RAB8B: variants seen among roughly 807,000 people sequenced by gnomAD.
RAB8B encodes the protein ras-related protein Rab-8B.
Under a neutral mutation model 32.0 loss-of-function variants are expected in RAB8B, and 11 were observed. The ratio of observed to expected loss-of-function variants is 0.34; its 90% CI spans 0.22 to 0.57. RAB8B has a LOEUF of 0.57. Ranked by LOEUF, RAB8B falls within the 20% of genes least tolerant of loss-of-function variation. The pLI is 0.86. For missense variants in RAB8B, 190 were observed against 258.5 expected, an observed-to-expected ratio of 0.73 and a Z score of 1.82; for synonymous variants, 103 against 89.6, an observed-to-expected ratio of 1.15 and a Z score of -0.85.
At position 63,267,482 on chromosome 15, in the gene RAB8B, A is replaced by G. The variant is rs1350239727; in HGVS notation, c.*3863A>G. ...GCTGACACTGCAGTTCCTTTCATGC[A>G]AAATACCATAAACTGTTTGATGAAA... On this transcript the variant is annotated 3_prime_UTR_variant, in exon 8 of 8. Transcript: ENST00000321437. The G allele has an allele frequency of 6.6e-6, 1 of 152,268 alleles. No individual in the cohort carries two copies. The highest frequency in any genetic ancestry group is 1.9e-4 in the East Asian group (1 of 5,198). The allele number at this position is 152,268 out of a possible 1,614,324, so 9.4% of individuals were successfully genotyped here.
In RAB8B at chr15:63,226,768, G is replaced by T. The variant is rs2141125223; in HGVS notation, c.125-17988G>T. ...GATCTCATGTAAGAAAGAATTCAGGGCGGGTCTGCAGTGCAAAGTGAAAGC... is the reference window on the plus strand; with the variant it reads ...GATCTCATGTAAGAAAGAATTCAGGTCGGGTCTGCAGTGCAAAGTGAAAGC... On this transcript the variant is annotated intron_variant, in intron 1 of 7. Coordinates refer to ENST00000321437, the MANE Select transcript of RAB8B (RefSeq NM_016530.3). Among the ~76,000 whole-genome samples, 2 of 152,298 alleles carry T rather than the reference G, an allele frequency of 1.3e-5. 1 individual carries two copies. Among genetic ancestry groups the T allele is most frequent in the South Asian group, 4.1e-4 (2 of 4,830 alleles).
chr15:63,263,006 C>T (rs748421727), intron 7 of RAB8B, among the ~76,000 whole-genome samples: 2 of 152,020 alleles, frequency 1.3e-5, no homozygotes, highest in Non-Finnish European at 2.9e-5. Flanking sequence ...GGCACAAATT[C>T]GATTTTTGCC....
intron 1 of RAB8B, among the ~76,000 whole-genome samples, chr15:63,207,863 C>T (rs2037712218): frequency 1.3e-5 from 2 of 152,128 alleles, no homozygotes; most frequent in Admixed American, 1.3e-4. Flanking sequence ...CGCGCCTGGC[C>T]CCTTTTCCTC....
At chr15:63,249,758 G>A in intron 3 of RAB8B, 53 bp downstream of exon 3, 1 of 1,535,362 alleles carries the variant, frequency 6.5e-7, no homozygotes, top group East Asian at 2.3e-5. Context: ...AAGCATGAAT[G>A]TTTGTTTGCC....
At chr15:63,197,956 T>C (rs1410170724) in intron 1 of RAB8B, among the ~76,000 whole-genome samples, 1 of 152,188 alleles carries the variant, frequency 6.6e-6, no homozygotes, top group Non-Finnish European at 1.5e-5. Flanking sequence ...CAACATGTTA[T>C]GGCTAAATTT....
At chr15:63,225,106 C>A (rs1322068551) in intron 1 of RAB8B, among the ~76,000 whole-genome samples, 2 of 152,218 alleles carry the variant, frequency 1.3e-5, no homozygotes, top group South Asian at 4.1e-4. Flanking sequence ...AACGTAATAT[C>A]ATCATGCTTA....
intron 1 of RAB8B, among the ~76,000 whole-genome samples, chr15:63,205,941 GGCCTGTCATA>G (rs536139588): frequency 1.5e-3 from 235 of 152,286 alleles, no homozygotes; most frequent in African/African-American, 5.2e-3. Context: ...GAGCTTTCAG[GGCCTGTCATA>G]TCCAATTGGA....
intron 1 of RAB8B, among the ~76,000 whole-genome samples, chr15:63,192,476 G>C (rs1448295470): frequency 1.3e-5 from 2 of 152,174 alleles, no homozygotes; most frequent in Non-Finnish European, 2.9e-5. Flanking sequence ...GTGCTTTTCT[G>C]ACTGGGTTTT....
At chr15:63,258,412 A>G (rs991490676) in intron 5 of RAB8B, among the ~76,000 whole-genome samples, 2 of 152,164 alleles carry the variant, frequency 1.3e-5, no homozygotes, top group Non-Finnish European at 2.9e-5. Context: ...CTAAAAGTCA[A>G]TACAGTAACT....
intron 1 of RAB8B, among the ~76,000 whole-genome samples, chr15:63,238,011 T>C (rs2037997396): frequency 6.6e-6 from 1 of 152,130 alleles, no homozygotes; most frequent in African/African-American, 2.4e-5. Flanking sequence ...CCAATGTATG[T>C]ACTTGGCACC....
rs533682183 is a variant in RAB8B at position 63,226,818 on chromosome 15, T to C, written c.125-17938T>C. ...CAAGTTTATTAAGAAAGTAAATGAG[T>C]AAAAGAATGGCTACTCCATAGACAG... On this transcript the variant is annotated intron_variant, in intron 1 of 7. Transcript: ENST00000321437. 3.7e-4 allele frequency among the ~76,000 whole-genome samples: 56 copies of C among 152,242 alleles called. No homozygotes were observed. In the South Asian group the frequency reaches 0.011, roughly 31 times the overall value.
intron 1 of RAB8B, among the ~76,000 whole-genome samples, chr15:63,207,559 TG>T (rs2037709098): frequency 6.6e-6 from 1 of 152,102 alleles, no homozygotes; most frequent in African/African-American, 2.4e-5. Context: ...CTTAGTTTTT[TG>T]TTTTTTTGTT....
At chr15:63,235,485 C>T (rs1164424478) in intron 1 of RAB8B, among the ~76,000 whole-genome samples, 1 of 152,032 alleles carries the variant, frequency 6.6e-6, no homozygotes, top group Middle Eastern at 3.2e-3. Context: ...TAATATAAGA[C>T]ATTCTCATGT....
intron 1 of RAB8B, among the ~76,000 whole-genome samples, chr15:63,207,646 G>A (rs774757800): frequency 1.3e-5 from 2 of 151,722 alleles, no homozygotes; most frequent in African/African-American, 2.4e-5. Flanking sequence ...TGCAATCTCC[G>A]CCTCCTGGGT....
At chr15:63,194,043 A>T (rs190430219) in intron 1 of RAB8B, among the ~76,000 whole-genome samples, 109 of 152,328 alleles carry the variant, frequency 7.2e-4, no homozygotes, top group Non-Finnish European at 1.1e-3. Context: ...TTGACAGGAC[A>T]ATCAGAGCTT....
chr15:63,194,014 A>G (rs1235619002), intron 1 of RAB8B, among the ~76,000 whole-genome samples: 1 of 152,156 alleles, frequency 6.6e-6, no homozygotes, highest in Non-Finnish European at 1.5e-5. Flanking sequence ...ACAAAAAGAG[A>G]TAACCCAGCC....
intron 1 of RAB8B, among the ~76,000 whole-genome samples, chr15:63,191,074 C>T (rs1228467780): frequency 1.3e-5 from 2 of 152,134 alleles, no homozygotes; most frequent in Admixed American, 1.3e-4. Flanking sequence ...ATCATTTCTC[C>T]TGTTAAATAG....
At chr15:63,237,010 T>G (rs2037986336) in intron 1 of RAB8B, among the ~76,000 whole-genome samples, 1 of 152,226 alleles carries the variant, frequency 6.6e-6, no homozygotes, top group Admixed American at 6.5e-5. Flanking sequence ...TTTGTCTTTC[T>G]GTACCTGGCT....
At chr15:63,257,936 G>A (rs1470330324) in intron 5 of RAB8B, among the ~76,000 whole-genome samples, 15 of 151,194 alleles carry the variant, frequency 9.9e-5, no homozygotes, top group Non-Finnish European at 1.9e-4. Context: ...GCGTGCGTGC[G>A]TCTGTAGTCC....
Sources: allele counts gnomAD v4.1 joint callset (sites outside exome capture counted in the v4.1 genomes callset), GRCh38; gene constraint gnomAD v4.1.1; transcripts MANE v1.5; gene names NCBI Gene and HGNC (gene_info 2026-07-23, HGNC 2026-07-21).